RER1: variants seen among roughly 807,000 people sequenced by gnomAD.
RER1 encodes retention in endoplasmic reticulum sorting receptor 1, also known as protein RER1.
In RER1, 6 loss-of-function variants were observed where a neutral mutation model predicts 28.3. That is an observed-to-expected ratio of 0.21 (90% confidence interval 0.12 to 0.42). RER1 has a LOEUF of 0.42. Ranked by LOEUF, RER1 falls within the 10% of genes least tolerant of loss-of-function variation. RER1 has a pLI of 1.00. For missense variants in RER1, 159 were observed against 252.9 expected (o/e 0.63, Z 2.52); for synonymous variants, 110 against 95.9 (o/e 1.15, Z -0.86).
chr1:2,397,067 A>G, intron 2 of RER1, 49 bp from the exon 3 acceptor site: 1 of 1,282,106 alleles, frequency 7.8e-7, no homozygotes. Context: ...CAGGGTCAGT[A>G]CAGAAGTTAC....
At chr1:2,396,737 A>T (rs1570076915) in intron 2 of RER1, among the ~76,000 whole-genome samples, 1 of 151,462 alleles carries the variant, frequency 6.6e-6, no homozygotes, top group East Asian at 1.9e-4. Flanking sequence ...CAGATGGGGG[A>T]GCTGACTTGA....
intron 1 of RER1, chr1:2,395,533 G>A (rs955779248): frequency 2.0e-6 from 1 of 491,588 alleles, no homozygotes; most frequent in Admixed American, 3.3e-5. Flanking sequence ...GCAGGTGACT[G>A]AGGTGCCAGT....
At chr1:2,402,860 G>C (rs915978955) in intron 6 of RER1, among the ~76,000 whole-genome samples, 175 bp from the exon 7 acceptor site, 1 of 152,210 alleles carries the variant, frequency 6.6e-6, no homozygotes. Flanking sequence ...CCTAGGCCTC[G>C]TGGGCTGTGG....
chr1:2,402,465 A>C, intron 6 of RER1, 123 bp downstream of exon 6: 1 of 1,276,230 alleles, frequency 7.8e-7, no homozygotes, highest in Non-Finnish European at 1.1e-6. Flanking sequence ...ATGTGGAGCT[A>C]AGTGGCACCG....
At chr1:2,395,617 T>C in intron 1 of RER1, 167 bp from the exon 2 acceptor site, 1 of 619,070 alleles carries the variant, frequency 1.6e-6, no homozygotes, top group African/African-American at 1.8e-5. Flanking sequence ...GGGAAGCCTG[T>C]GTACCTGCTA....
At chr1:2,399,615 T>C (rs1642816319) in intron 4 of RER1, 101 bp downstream of exon 4, 2 of 754,840 alleles carry the variant, frequency 2.6e-6, no homozygotes. Flanking sequence ...ACTCTTCTCT[T>C]GGGGTTGAAA....
intron 1 of RER1, among the ~76,000 whole-genome samples, 151 bp downstream of exon 1, chr1:2,392,109 G>A (rs1293089251): frequency 6.6e-6 from 1 of 151,182 alleles, no homozygotes; most frequent in African/African-American, 2.4e-5. Context: ...CCGTGTTCCC[G>A]ACCCGCGGCC....
At chr1:2,401,252 TTCCTCCCTCCTCCA>T (rs1642847475) in intron 5 of RER1, among the ~76,000 whole-genome samples, 1 of 62,232 alleles carries the variant, frequency 1.6e-5, no homozygotes, top group African/African-American at 6.6e-5. Context: ...TCCTCCCTCC[TTCCTCCCTCCTCCA>T]CCCTCCCTCC....
At chr1:2,400,783 C>A in intron 4 of RER1, 74 bp from the exon 5 acceptor site, 2 of 1,260,802 alleles carry the variant, frequency 1.6e-6, no homozygotes, top group Non-Finnish European at 2.3e-6. Context: ...TAGTCCAAAG[C>A]CTTGAGGGGA....
chr1:2,403,743 ATATTT>A lies in RER1; in HGVS notation c.*622_*626del, dbSNP rs1352016184. ...GGGCCCGGAATTATAAATATATATT[ATATTT>A]TAATTGTTTGAGATTATTTTGACAC... On this transcript the variant is annotated 3_prime_UTR_variant, in exon 7 of 7. Coordinates refer to ENST00000605895, the MANE Select transcript of RER1 (RefSeq NM_007033.5). 3 of 152,752 alleles carry A rather than the reference ATATTT, an allele frequency of 2.0e-5. No homozygotes were observed. Among genetic ancestry groups the A allele is most frequent in the African/African-American group, 7.2e-5 (3 of 41,578 alleles). 9.5% of individuals were successfully genotyped at this position (152,752 alleles called of 1,614,324 possible).
chr1:2,402,315 C>G lies in RER1; in HGVS notation c.474C>G (p.Phe158Leu). Residue 158 changes from phenylalanine (F) to leucine (L), a missense_variant, in exon 6 of 7, where the codon TTC becomes TTG. Phe to Leu is a conservative substitution (Grantham distance 22). Coordinates refer to ENST00000605895, the MANE Select transcript of RER1 (RefSeq NM_007033.5). ...TGGTGATGTACTTCATCATGCTCTT[C>G]TGTATCACGATGAAGAGGCAAATCA... ...PILVMYFIML[F>L]CITMKRQIKH... 1 of 1,614,254 alleles carries G rather than the reference C, an allele frequency of 6.2e-7. No homozygotes were observed. The highest frequency in any genetic ancestry group is 1.1e-5 in the South Asian group (1 of 91,088).
chr1:2,399,606 C>G, intron 4 of RER1, 92 bp downstream of exon 4: 2 of 789,784 alleles, frequency 2.5e-6, no homozygotes, highest in Non-Finnish European at 4.5e-6. Context: ...ACACCCGAGA[C>G]TCTTCTCTTG....
At position 2,391,943 on chromosome 1, in the gene RER1, G is replaced by A. The variant is rs920214001; in HGVS notation, c.-23G>A. 1.7e-5 allele frequency: 3 copies of A among 175,106 alleles called. No homozygotes were observed. The highest frequency in any genetic ancestry group is 1.2e-5 in the Non-Finnish European group (1 of 83,534). 10.8% of individuals were successfully genotyped at this position (175,106 alleles called of 1,614,324 possible). A position where few individuals can be genotyped will look rare whatever the true frequency, so the allele number is the denominator to read the frequency against. ...CCGTGAGGGAGACCGCGGCTCGGCC[G>A]TAGCGGAGCTGCGAGGTGCCAGGAA... On this transcript the variant is annotated 5_prime_UTR_variant, in exon 1 of 7. Transcript: ENST00000605895.
In RER1 at chr1:2,404,371, A is replaced by T. The variant is rs1642926793; in HGVS notation, c.*1247A>T. 1.3e-5 allele frequency: 2 copies of T among 152,282 alleles called. No individual in the cohort carries two copies. The highest frequency in any genetic ancestry group is 1.3e-4 in the Admixed American group (2 of 15,284). 9.4% of individuals were successfully genotyped at this position (152,282 alleles called of 1,614,324 possible). ...GTGTTGAGACACTTGGGATTCTCAG[A>T]CTGTGGACAGGAGTGTTTGTCATTT... is the stretch of plus-strand genomic sequence containing the variant. On this transcript the variant is annotated 3_prime_UTR_variant, in exon 7 of 7. Coordinates refer to ENST00000605895, the MANE Select transcript of RER1 (RefSeq NM_007033.5).
intron 4 of RER1, among the ~76,000 whole-genome samples, chr1:2,400,416 AT>A (rs1312527537): frequency 6.6e-6 from 1 of 152,192 alleles, no homozygotes; most frequent in Non-Finnish European, 1.5e-5. Context: ...AGCGGCACCC[AT>A]CCCAGTGGGG....
chr1:2,398,820 T>G (rs1361556189), intron 3 of RER1, among the ~76,000 whole-genome samples: 2 of 152,254 alleles, frequency 1.3e-5, no homozygotes, highest in Non-Finnish European at 2.9e-5. Flanking sequence ...CTCCCCACTT[T>G]TCATCTCTTG....
intron 3 of RER1, 38 bp downstream of exon 3, chr1:2,397,258 C>A: frequency 7.3e-7 from 1 of 1,373,958 alleles, no homozygotes; most frequent in Non-Finnish European, 1.0e-6. Flanking sequence ...TGGCTCTGTC[C>A]ACGTTACCTG....
chr1:2,403,418 G>C lies in RER1; in HGVS notation c.*294G>C, dbSNP rs1012212679. The C allele has an allele frequency of 5.4e-6, 2 of 367,822 alleles. No individual in the cohort carries two copies. The highest frequency in any genetic ancestry group is 1.0e-5 in the Non-Finnish European group (2 of 192,476). The allele number at this position is 367,822 out of a possible 1,614,324, so 22.8% of individuals were successfully genotyped here. On this transcript the variant is annotated 3_prime_UTR_variant, in exon 7 of 7. Coordinates refer to ENST00000605895, the MANE Select transcript of RER1 (RefSeq NM_007033.5). ...CCCATGGGAGCAAGGGCGAGTGGCC[G>C]GTCCCCGCTGTGCCAGGTGGGCAGG...
In RER1 at chr1:2,403,484, C is replaced by T. The variant is rs1642905334; in HGVS notation, c.*360C>T. 3.4e-6 allele frequency: 1 copy of T among 294,866 alleles called. No homozygotes were observed. Among genetic ancestry groups the T allele is most frequent in the East Asian group, 1.0e-4 (1 of 9,578 alleles). 18.3% of individuals were successfully genotyped at this position (294,866 alleles called of 1,614,324 possible). A position where few individuals can be genotyped will look rare whatever the true frequency, so the allele number is the denominator to read the frequency against. On this transcript the variant is annotated 3_prime_UTR_variant, in exon 7 of 7. Coordinates refer to ENST00000605895, the MANE Select transcript of RER1 (RefSeq NM_007033.5). ...CGAGGGAGGAACGGGCCGCTCCCCG[C>T]CAGCCGCCTTCCCCAGCAGCCGCAG... is the stretch of plus-strand genomic sequence containing the variant.
Sources: allele counts gnomAD v4.1 joint callset (sites outside exome capture counted in the v4.1 genomes callset), GRCh38; gene constraint gnomAD v4.1.1; transcripts MANE v1.5; gene names NCBI Gene and HGNC (gene_info 2026-07-23, HGNC 2026-07-21).